The following MCF2L variants were observed in gnomAD, a reference collection of about 807,000 sequenced individuals.
The protein encoded by MCF2L is MCF.2 cell line derived transforming sequence like.
MCF2L carries 97 observed loss-of-function variants against 153.4 expected under a neutral mutation model. That is an observed-to-expected ratio of 0.63 (90% CI 0.54 to 0.75). MCF2L has a LOEUF of 0.75. Among genes scored for constraint, MCF2L ranks in the 30% least tolerant of loss-of-function variants. The probability of loss-of-function intolerance (pLI) is 0.00; values close to 1 mark genes in which losing one functional copy is unlikely to be tolerated. For missense variants in MCF2L, 1,347 were observed against 1,495.2 expected (o/e 0.90, Z 1.64); for synonymous variants, 659 against 632.2 (o/e 1.04, Z -0.64).
intron 2 of MCF2L, among the ~76,000 whole-genome samples, chr13:113,017,658 G>T (rs1292180263): frequency 6.6e-6 from 1 of 152,038 alleles, no homozygotes; most frequent in Non-Finnish European, 1.5e-5. Flanking sequence ...TCCCGCCCCA[G>T]CATCACCCAT....
chr13:113,078,761 C>G, intron 15 of MCF2L, 22 bp downstream of exon 15: 2 of 1,582,018 alleles, frequency 1.3e-6, no homozygotes, highest in Non-Finnish European at 1.7e-6. Flanking sequence ...GCCCTTCTGT[C>G]CTCACAGGGG....
chr13:113,076,983 CGCCTGACT>C (rs1395707844), intron 12 of MCF2L, 61 bp from the exon 13 acceptor site: 1 of 1,521,998 alleles, frequency 6.6e-7, no homozygotes, highest in African/African-American at 1.4e-5. Flanking sequence ...GCACGTTCTG[CGCCTGACT>C]GTGTATTTTT....
At chr13:112,914,600 G>C (rs550339129) in intron 2 of MCF2L, among the ~76,000 whole-genome samples, 1 of 152,370 alleles carries the variant, frequency 6.6e-6, no homozygotes, top group African/African-American at 2.4e-5. Context: ...GCTCCCTGCA[G>C]AGGTGTCTGA....
chr13:112,899,809 G>A (rs1227588599), intron 1 of MCF2L, among the ~76,000 whole-genome samples: 2 of 152,210 alleles, frequency 1.3e-5, no homozygotes, highest in Non-Finnish European at 2.9e-5. Context: ...TCAGTGTGAC[G>A]GGCCGCGCGT....
chr13:112,912,956 ATCTGTG>A (rs1228699685), intron 2 of MCF2L, among the ~76,000 whole-genome samples: 8 of 125,494 alleles, frequency 6.4e-5, no homozygotes, highest in African/African-American at 2.2e-4. Flanking sequence ...TCTGTGGTGT[ATCTGTG>A]TCTGTATGTA....
intron 2 of MCF2L, chr13:112,910,581 CTT>C (rs889081345): frequency 1.3e-5 from 2 of 152,222 alleles, no homozygotes; most frequent in Non-Finnish European, 2.9e-5. Context: ...TTGTAAAAGA[CTT>C]AAGATATGCA....
At chr13:112,979,375 C>A in intron 1 of MCF2L, 1 of 1,340,662 alleles carries the variant, frequency 7.5e-7, no homozygotes, top group Non-Finnish European at 9.5e-7. Context: ...CATTGTCTGC[C>A]TGCTCTTCCA....
chr13:112,961,081 G>GTCTGCTATGCCTCCACGTTGCA (rs11268614), intron 2 of MCF2L, among the ~76,000 whole-genome samples: 3 of 134,340 alleles, frequency 2.2e-5, no homozygotes, highest in East Asian at 3.9e-4. Context: ...ACCAAGGGGA[G>GTCTGCTATGCCTCCACGTTGCA]TCTGCTATGC....
intron 1 of MCF2L, among the ~76,000 whole-genome samples, chr13:112,895,548 G>C (rs930550723): frequency 6.6e-6 from 1 of 152,138 alleles, no homozygotes; most frequent in East Asian, 1.9e-4. Context: ...CATGCGAACT[G>C]TGGAGCGAGG....
intron 1 of MCF2L, chr13:112,985,431 T>C (rs1483829879): frequency 2.1e-6 from 1 of 471,016 alleles, no homozygotes; most frequent in African/African-American, 2.0e-5. Flanking sequence ...AATGAAAAGC[T>C]ACTACCTGTA....
At position 113,078,493 on chromosome 13, in the gene MCF2L, G is replaced by T. The variant is rs2033753217; in HGVS notation, c.1734+57G>T. ...ACACCCCCCTCCTTGGTTCACGCTG[G>T]GCCTGGTTCTCCGTGTGGCCCCCCC... On this transcript the variant is annotated intron_variant, in intron 14 of 29. Coordinates refer to ENST00000535094, the MANE Select transcript of MCF2L (RefSeq NM_001112732.3). 2.0e-6 allele frequency: 3 copies of T among 1,517,414 alleles called. No individual in the cohort carries two copies. In the East Asian group the frequency reaches 6.9e-5, roughly 35 times the overall value. The allele number at this position is 1,517,414 out of a possible 1,614,324, so 94.0% of individuals were successfully genotyped here.
chr13:113,006,492 C>T (rs985885810), intron 1 of MCF2L, among the ~76,000 whole-genome samples: 1 of 152,188 alleles, frequency 6.6e-6, no homozygotes, highest in Non-Finnish European at 1.5e-5. Context: ...CCTGGCATGC[C>T]CTTTCTCCCT....
intron 2 of MCF2L, among the ~76,000 whole-genome samples, chr13:112,911,114 C>G (rs9603802): frequency 0.18 from 27,149 of 152,190 alleles, 2,498 homozygotes; most frequent in Middle Eastern, 0.3. Flanking sequence ...GTTGAACCCC[C>G]GCGGGTCTTC....
intron 2 of MCF2L, among the ~76,000 whole-genome samples, chr13:113,021,044 GTGTGTA>G (rs143036386): frequency 0.24 from 37,013 of 151,876 alleles, 4,589 homozygotes; most frequent in South Asian, 0.43. Flanking sequence ...GTGTAGCTGT[GTGTGTA>G]TATCCATGTG....
At chr13:113,077,975 C>T (rs989577436) in intron 13 of MCF2L, among the ~76,000 whole-genome samples, 4 of 152,236 alleles carry the variant, frequency 2.6e-5, no homozygotes, top group African/African-American at 9.6e-5. Flanking sequence ...CCCACAGGCG[C>T]TGTGTCCCCG....
At chr13:112,947,295 C>T (rs1304652002) in intron 2 of MCF2L, among the ~76,000 whole-genome samples, 2 of 152,170 alleles carry the variant, frequency 1.3e-5, no homozygotes, top group African/African-American at 4.8e-5. Context: ...CCCCAAAATG[C>T]ATGTTCTTTT....
chr13:112,994,857 A>T (rs993739165), intron 1 of MCF2L, among the ~76,000 whole-genome samples: 1 of 152,168 alleles, frequency 6.6e-6, no homozygotes, highest in Admixed American at 6.5e-5. Flanking sequence ...CTGGGCTCAA[A>T]CCCAGGCCTG....
At chr13:113,089,800 C>G in intron 26 of MCF2L, 72 bp downstream of exon 26, 1 of 1,601,296 alleles carries the variant, frequency 6.2e-7, no homozygotes, top group Non-Finnish European at 8.5e-7. Flanking sequence ...CTCACTGCAT[C>G]CGAGAAACCT....
intron 2 of MCF2L, among the ~76,000 whole-genome samples, chr13:112,923,661 C>T (rs2081376048): frequency 1.3e-5 from 2 of 152,102 alleles, no homozygotes; most frequent in African/African-American, 2.4e-5. Context: ...ATGGCAAAAC[C>T]CACAATTACC....
Sources: allele counts gnomAD v4.1 joint callset (sites outside exome capture counted in the v4.1 genomes callset), GRCh38; gene constraint gnomAD v4.1.1; transcripts MANE v1.5; gene names NCBI Gene and HGNC (gene_info 2026-07-23, HGNC 2026-07-21).